The following GPR153 variants were observed in gnomAD, a reference collection of about 807,000 sequenced individuals.
GPR153 encodes the protein G protein-coupled receptor 153.
A neutral mutation model predicts 34.1 loss-of-function variants in GPR153; 27 were observed. The ratio of observed to expected loss-of-function variants is 0.79; its 90% CI spans 0.58 to 1.09. GPR153 has a LOEUF of 1.09. Among genes scored for constraint, GPR153 ranks in the 50% least tolerant of loss-of-function variants. The pLI, the probability that GPR153 is intolerant of heterozygous loss-of-function variation, is 0.00. For synonymous variants in GPR153, 408 were observed against 405.4 expected (o/e 1.01, Z -0.08); for missense variants, 848 against 860.2 (o/e 0.99, Z 0.18).
chr1:6,252,767 TC>T lies in GPR153; in HGVS notation c.786+950del, dbSNP rs1389920280. Among the ~76,000 whole-genome samples the T allele has an allele frequency of 3.9e-5, 6 of 152,158 alleles. No homozygotes were observed. The East Asian group carries it at 1.2e-3, about 29-fold the overall frequency. ...AGACCTTTCGGGGATGGGCGTAGAG[TC>T]CTGCAGGGGGCAGGGGTTGGCTACT... On this transcript the variant is annotated intron_variant, in intron 3 of 5. Coordinates refer to ENST00000377893, the MANE Select transcript of GPR153 (RefSeq NM_207370.4).
rs760170228 is a variant in GPR153, at chr1:6,251,005, C to T, written c.979+333G>A. On this transcript the variant is annotated intron_variant, in intron 4 of 5. Transcript: ENST00000377893. The surrounding 1 kb of genome is among the most constrained non-coding windows in gnomAD (Gnocchi z 4.9). Reference sequence around the variant, plus strand: ...AGACAGGACCTCGGTCTGCAGGAGCCCCCAGGGCAGCTTGCTGGGGATCCC... The same window carrying T: ...AGACAGGACCTCGGTCTGCAGGAGCTCCCAGGGCAGCTTGCTGGGGATCCC... 2.9e-4 allele frequency among the ~76,000 whole-genome samples: 44 copies of T among 152,042 alleles called. No individual in the cohort carries two copies. Among genetic ancestry groups the T allele is most frequent in the Non-Finnish European group, 5.4e-4 (37 of 67,988 alleles).
chr1:6,249,289 CG>C lies in GPR153; in HGVS notation c.*48del, dbSNP rs1179685873. 11 of 1,218,348 alleles carry C rather than the reference CG, an allele frequency of 9.0e-6. No individual in the cohort carries two copies. Among genetic ancestry groups the C allele is most frequent in the Non-Finnish European group, 1.1e-5 (11 of 972,362 alleles). 75.5% of individuals were successfully genotyped at this position (1,218,348 alleles called of 1,614,324 possible). ...GCGGGCGTCTTTGGTGCTGCGGCCC[CG>C]GAGAGCGGCCTGGCCTGCCTGGCGT... On this transcript the variant is annotated 3_prime_UTR_variant, in exon 6 of 6. Coordinates refer to ENST00000377893, the MANE Select transcript of GPR153 (RefSeq NM_207370.4). The surrounding 1 kb of genome is among the most constrained non-coding windows in gnomAD (Gnocchi z 4.3).
chr1:6,250,358 G>T, intron 5 of GPR153, 82 bp downstream of exon 5: 1 of 1,474,130 alleles, frequency 6.8e-7, no homozygotes. Context: ...GGCGTGAGAT[G>T]GGCTCCGAGT....
Position 6,253,882 on chromosome 1 carries a change from C to T in GPR153, c.622G>A (p.Asp208Asn), listed in dbSNP as rs186481236. The change falls in exon 3 of 6, where the codon GAC becomes AAC. Residue 208 changes from aspartate (D) to asparagine (N), a missense_variant. Physicochemically the swap from Asp to Asn is conservative, Grantham distance 23. Transcript: ENST00000377893. ...TLAVQVGRQA[D>N]RRAFTVPTIV... is the part of the protein sequence containing the mutation. ...GTGGGCACGGTGAAGGCGCGGCGGT[C>T]GGCCTGGCGCCCCACCTGCACGGCC... is the stretch of plus-strand genomic sequence containing the variant. 8.1e-6 allele frequency: 13 copies of T among 1,604,290 alleles called. No homozygotes were observed. Among genetic ancestry groups the T allele is most frequent in the South Asian group, 4.4e-5 (4 of 90,510 alleles).
Position 6,250,421 on chromosome 1 carries a change from C to G in GPR153, c.1164+19G>C. ...CCTGTCACCCGCAGGTGCGGCCTCT[C>G]CCCCAGCCCTGCGCTCACCTGCAGG... On this transcript the variant is annotated intron_variant, in intron 5 of 5. Transcript: ENST00000377893. 1 of 1,556,638 alleles carries G rather than the reference C, an allele frequency of 6.4e-7. No individual in the cohort carries two copies. The highest frequency in any genetic ancestry group is 1.2e-5 in the South Asian group (1 of 83,790).
At chr1:6,255,535 T>G (rs1638548366) in intron 1 of GPR153, among the ~76,000 whole-genome samples, 1 of 147,882 alleles carries the variant, frequency 6.8e-6, no homozygotes, top group Non-Finnish European at 1.5e-5. Context: ...AGTGCAGTGG[T>G]GAGATCATAG....
intron 1 of GPR153, among the ~76,000 whole-genome samples, chr1:6,257,094 T>A (rs1253864449): frequency 6.6e-6 from 1 of 152,212 alleles, no homozygotes; most frequent in Non-Finnish European, 1.5e-5. Context: ...CAGGGAACCA[T>A]CCAAGGTGGG....
rs935508398 is a variant in GPR153, at chr1:6,249,045, G to A, written c.*293C>T. 2 of 295,114 alleles carry A rather than the reference G, an allele frequency of 6.8e-6. No homozygotes were observed. The highest frequency in any genetic ancestry group is 1.6e-4 in the South Asian group (1 of 6,212). 18.3% of individuals were successfully genotyped at this position (295,114 alleles called of 1,614,324 possible). Reference sequence around the variant, plus strand: ...GGCTGGTGATGGCGCAGCTGGACGTGTGCACATGTCACTCACTACCCAAGC... The same window carrying A: ...GGCTGGTGATGGCGCAGCTGGACGTATGCACATGTCACTCACTACCCAAGC... On this transcript the variant is annotated 3_prime_UTR_variant, in exon 6 of 6. Coordinates refer to ENST00000377893, the MANE Select transcript of GPR153 (RefSeq NM_207370.4). The surrounding 1 kb of genome is among the most constrained non-coding windows in gnomAD (Gnocchi z 4.3).
In GPR153 at chr1:6,249,426, C is replaced by T. The variant is rs1019021046; in HGVS notation, c.1742G>A (p.Gly581Asp). The T allele has an allele frequency of 5.8e-6, 8 of 1,367,782 alleles. No individual in the cohort carries two copies. The African/African-American group carries it at 1.2e-4, about 21-fold the overall frequency. 84.7% of individuals were successfully genotyped at this position (1,367,782 alleles called of 1,614,324 possible). The part of the protein sequence containing the change: ...EPGGLRAAGG[G>D]GSTSSFLSSP... ...ACTCAGGAAGCTGCTGGTGCTGCCG[C>T]CGCCGCCCGCCGCGCGCAGCCCCCC... is the stretch of plus-strand genomic sequence containing the variant. Residue 581 changes from glycine (G) to aspartate (D), a missense_variant, in exon 6 of 6, where the codon GGC becomes GAC. By Grantham distance (94) the Gly-to-Asp change is moderately conservative. Transcript: ENST00000377893. The surrounding 1 kb of genome is among the most constrained non-coding windows in gnomAD (Gnocchi z 4.3).
At chr1:6,252,560 G>A (rs1275703834) in intron 3 of GPR153, among the ~76,000 whole-genome samples, 2 of 152,180 alleles carry the variant, frequency 1.3e-5, no homozygotes, top group Non-Finnish European at 2.9e-5. Flanking sequence ...CCTGCTGGGG[G>A]TGGGGCAGTG....
rs1172683274 is a variant in GPR153, at chr1:6,254,139, T to C, written c.365A>G (p.Asn122Ser). The change falls in exon 3 of 6, where the codon AAT (asparagine) becomes AGT (serine). Residue 122 changes from asparagine to serine, a missense_variant. By Grantham distance (46) the Asn-to-Ser change is conservative (BLOSUM62 1). Coordinates refer to ENST00000377893, the MANE Select transcript of GPR153 (RefSeq NM_207370.4). ...VCWPVNYRLSNAKKQAVHTVM... is the reference protein window; with the variant it reads ...VCWPVNYRLSSAKKQAVHTVM... ...TGTGTGCACCGCCTGCTTCTTGGCATTGCTCAGCCTGGCATGAGGCAGGGT... is the reference window on the plus strand; with the variant it reads ...TGTGTGCACCGCCTGCTTCTTGGCACTGCTCAGCCTGGCATGAGGCAGGGT... 1 of 1,606,202 alleles carries C rather than the reference T, an allele frequency of 6.2e-7. No individual in the cohort carries two copies. The highest frequency in any genetic ancestry group is 1.3e-5 in the African/African-American group (1 of 74,906).
At position 6,249,977 on chromosome 1, in the gene GPR153, G is replaced by T. The variant is rs1459438519; in HGVS notation, c.1191C>A (p.His397Gln). 9 of 1,273,942 alleles carry T rather than the reference G, an allele frequency of 7.1e-6. No individual in the cohort carries two copies. The Middle Eastern group carries it at 1.2e-3, about 171-fold the overall frequency. The allele number at this position is 1,273,942 out of a possible 1,614,324, so 78.9% of individuals were successfully genotyped here. A position where few individuals can be genotyped will look rare whatever the true frequency, so the allele number is the denominator to read the frequency against. Reference protein sequence around the residue: ...LQVPPTRRFSHDDADVWAAVP... With the variant: ...LQVPPTRRFSQDDADVWAAVP... ...CGGCGGCCCACACGTCCGCATCGTC[G>T]TGGGAGAAGCGCCGCGTGGGCGGGA... Residue 397 changes from histidine (H) to glutamine (Q), a missense_variant, in exon 6 of 6, where the codon CAC becomes CAA. Transcript: ENST00000377893. This position sits in a 1 kb window ranked among gnomAD's most constrained non-coding sequence, Gnocchi z 4.3.
rs551503842 is a variant in GPR153 at position 6,247,740 on chromosome 1, C to A, written c.*1598G>T. 6.6e-6 allele frequency: 1 copy of A among 152,290 alleles called. No individual in the cohort carries two copies. Among genetic ancestry groups the A allele is most frequent in the African/African-American group, 2.4e-5 (1 of 41,468 alleles). The allele number at this position is 152,290 out of a possible 1,614,324, so 9.4% of individuals were successfully genotyped here. On this transcript the variant is annotated 3_prime_UTR_variant, in exon 6 of 6. Coordinates refer to ENST00000377893, the MANE Select transcript of GPR153 (RefSeq NM_207370.4). The stretch of plus-strand genomic sequence containing the variant: ...GGCTAGCTGGCGACCTCTGCCCCTA[C>A]GTAACTTGTCAGTCCTTGAAGGCAC...
intron 5 of GPR153, 37 bp from the exon 6 acceptor site, chr1:6,250,040 C>T (rs746495384): frequency 8.0e-7 from 1 of 1,257,640 alleles, no homozygotes; most frequent in Non-Finnish European, 1.0e-6. Flanking sequence ...CCGAGCTGCC[C>T]TCCTGGGAAA....
chr1:6,255,016 T>C lies in GPR153; in HGVS notation c.-109-2A>G. 1 of 720,830 alleles carries C rather than the reference T, an allele frequency of 1.4e-6. No homozygotes were observed. Among genetic ancestry groups the C allele is most frequent in the Non-Finnish European group, 2.2e-6 (1 of 463,570 alleles). The allele number at this position is 720,830 out of a possible 1,614,324, so 44.7% of individuals were successfully genotyped here. A position where few individuals can be genotyped will look rare whatever the true frequency, so the allele number is the denominator to read the frequency against. ...AAGGATGCTGGGGACCACGAGCATC[T>C]GTGGGGGGGTGGCAGTGGGCACTCA... On this transcript the variant is annotated splice_acceptor_variant, in intron 1 of 5. Coordinates refer to ENST00000377893, the MANE Select transcript of GPR153 (RefSeq NM_207370.4). LOFTEE classifies it low-confidence loss of function (5UTR_SPLICE).
In GPR153 at chr1:6,249,610, C is replaced by G; in HGVS notation, c.1558G>C (p.Gly520Arg). Residue 520 changes from glycine to arginine, a missense_variant, in exon 6 of 6, where the codon GGG (glycine) becomes CGG (arginine). By Grantham distance (125) the Gly-to-Arg change is moderately radical. Coordinates refer to ENST00000377893, the MANE Select transcript of GPR153 (RefSeq NM_207370.4). The surrounding 1 kb of genome is among the most constrained non-coding windows in gnomAD (Gnocchi z 4.3). The part of the protein sequence containing the change: ...CEPQALRRPP[G>R]PFPAAPAAPD... ...GCGGCGGGCGCAGCGGGGAAGGGCC[C>G]GGGCGGGCGGCGCAGGGCCTGTGGC... 3 of 1,128,672 alleles carry G rather than the reference C, an allele frequency of 2.7e-6. No individual in the cohort carries two copies. Among genetic ancestry groups the G allele is most frequent in the Non-Finnish European group, 3.3e-6 (3 of 922,716 alleles). The allele number at this position is 1,128,672 out of a possible 1,614,324, so 69.9% of individuals were successfully genotyped here. A position where few individuals can be genotyped will look rare whatever the true frequency, so the allele number is the denominator to read the frequency against.
At position 6,251,647 on chromosome 1, in the gene GPR153, G is replaced by C; in HGVS notation, c.787-117C>G. 8.7e-7 allele frequency: 1 copy of C among 1,146,818 alleles called. No homozygotes were observed. Among genetic ancestry groups the C allele is most frequent in the Non-Finnish European group, 1.2e-6 (1 of 839,696 alleles). 71.0% of individuals were successfully genotyped at this position (1,146,818 alleles called of 1,614,324 possible). A position where few individuals can be genotyped will look rare whatever the true frequency, so the allele number is the denominator to read the frequency against. ...GTCTGACAGGTGGGTATCTGCCAAG[G>C]AGAAGGGGCCCTTGGGGAGAAAAGA... On this transcript the variant is annotated intron_variant, in intron 3 of 5. Transcript: ENST00000377893. This position sits in a 1 kb window ranked among gnomAD's most constrained non-coding sequence, Gnocchi z 4.9.
rs564773977 is a variant in GPR153, at chr1:6,249,157, C to G, written c.*181G>C. 4.8e-5 allele frequency: 21 copies of G among 437,248 alleles called. No individual in the cohort carries two copies. In the South Asian group the frequency reaches 2.2e-3, roughly 47 times the overall value. 27.1% of individuals were successfully genotyped at this position (437,248 alleles called of 1,614,324 possible). On this transcript the variant is annotated 3_prime_UTR_variant, in exon 6 of 6. Coordinates refer to ENST00000377893, the MANE Select transcript of GPR153 (RefSeq NM_207370.4). The surrounding 1 kb of genome is among the most constrained non-coding windows in gnomAD (Gnocchi z 4.3). ...GCCCAGCGCAGTCGTCCGGGGCAGCCGTCGCCCCTGGGACAAGGCCAGCTG... is the reference window on the plus strand; with the variant it reads ...GCCCAGCGCAGTCGTCCGGGGCAGCGGTCGCCCCTGGGACAAGGCCAGCTG...
Position 6,251,490 on chromosome 1 carries a change from G to T in GPR153, c.827C>A (p.Pro276His). ...CCACAGCACGCAGAGTGCCATCCAG[G>T]GCGCTGAGGCGTCGGCCCGCAGGCT... ...FSSLRADASA[P>H]WMALCVLWCS... Residue 276 changes from proline to histidine, a missense_variant, in exon 4 of 6, where the codon CCC (proline) becomes CAC (histidine). Pro to His is a moderately conservative substitution (Grantham distance 77). Coordinates refer to ENST00000377893, the MANE Select transcript of GPR153 (RefSeq NM_207370.4). This position sits in a 1 kb window ranked among gnomAD's most constrained non-coding sequence, Gnocchi z 4.9. The T allele has an allele frequency of 2.5e-6, 4 of 1,611,048 alleles. No homozygotes were observed. Among genetic ancestry groups the T allele is most frequent in the Non-Finnish European group, 3.4e-6 (4 of 1,179,134 alleles).
Sources: allele counts gnomAD v4.1 joint callset (sites outside exome capture counted in the v4.1 genomes callset), GRCh38; gene constraint gnomAD v4.1.1; non-coding constraint Gnocchi (gnomAD v3.1); transcripts MANE v1.5; gene names NCBI Gene and HGNC (gene_info 2026-07-23, HGNC 2026-07-21).